Variants in FMN1 observed in about 807,000 individuals in gnomAD.
FMN1 encodes the protein formin 1.
Under a neutral mutation model 132.4 loss-of-function variants are expected in FMN1, and 110 were observed. That is an observed-to-expected ratio of 0.83 (90% CI 0.71 to 0.97). The LOEUF (loss-of-function observed/expected upper bound fraction) is 0.97, where lower values mean the gene tolerates loss of function less well. Ranked by LOEUF, FMN1 falls within the 50% of genes least tolerant of loss-of-function variation. The probability of loss-of-function intolerance (pLI) is 0.00; values close to 1 mark genes in which losing one functional copy is unlikely to be tolerated. For missense variants in FMN1, 1,792 were observed against 1,705.3 expected, an observed-to-expected ratio of 1.05 and a Z score of -0.90; for synonymous variants, 722 against 651.7, an observed-to-expected ratio of 1.11 and a Z score of -1.64.
chr15:33,135,943 G>A (rs955047852), intron 4 of FMN1, among the ~76,000 whole-genome samples: 7 of 152,152 alleles, frequency 4.6e-5, no homozygotes, highest in African/African-American at 1.7e-4. Flanking sequence ...AATTAGCTTT[G>A]CTTTTTTCTG....
intron 7 of FMN1, among the ~76,000 whole-genome samples, chr15:33,007,019 GTATACTT>G (rs2034453816): frequency 6.6e-6 from 1 of 152,066 alleles, no homozygotes; most frequent in South Asian, 2.1e-4. Context: ...CCATGTTATT[GTATACTT>G]TAAAATTTCT....
intron 19 of FMN1, among the ~76,000 whole-genome samples, chr15:32,788,134 G>A (rs2056941864): frequency 1.3e-5 from 2 of 152,164 alleles, no homozygotes; most frequent in South Asian, 4.1e-4. Flanking sequence ...TCTCCCCCAG[G>A]ACACAGGGGA....
At chr15:32,903,167 C>T (rs2141612039) in intron 12 of FMN1, among the ~76,000 whole-genome samples, 1 of 150,090 alleles carries the variant, frequency 6.7e-6, no homozygotes, top group Non-Finnish European at 1.5e-5. Flanking sequence ...TCATAATCCA[C>T]AATCTTTTTT....
At chr15:32,890,293 T>G (rs2059996339) in intron 15 of FMN1, among the ~76,000 whole-genome samples, 1 of 152,236 alleles carries the variant, frequency 6.6e-6, no homozygotes, top group Admixed American at 6.5e-5. Context: ...TACCCAGTAG[T>G]GGGATTGCTA....
chr15:33,019,787 C>G (rs938706975), intron 6 of FMN1, among the ~76,000 whole-genome samples: 1 of 152,202 alleles, frequency 6.6e-6, no homozygotes, highest in African/African-American at 2.4e-5. Flanking sequence ...CCCGCCAAGC[C>G]CATGCCCACT....
chr15:32,916,930 T>C (rs1339359102), intron 10 of FMN1, among the ~76,000 whole-genome samples: 2 of 152,100 alleles, frequency 1.3e-5, no homozygotes, highest in Non-Finnish European at 2.9e-5. Context: ...TTTTTGAAAC[T>C]CTCATGTCAC....
At position 33,153,509 on chromosome 15, in the gene FMN1, G is replaced by T. The variant is rs956680472; in HGVS notation, c.1406C>A (p.Ser469Tyr). The change falls in exon 4 of 21, where the codon TCC becomes TAC. Residue 469 changes from serine to tyrosine, a missense_variant. Ser to Tyr is a moderately radical substitution (Grantham distance 144). This residue lies in a region of FMN1 where 638 missense variants were observed against 645.2 expected (regional missense o/e 0.99). Coordinates refer to ENST00000616417, the MANE Select transcript of FMN1 (RefSeq NM_001277313.2). The part of the protein sequence containing the change: ...RAGLPLGGHK[S>Y]LFLDLPHKVG... ...TTTGTGGGGCAGATCCAGAAACAAGGACTTGTGGCCACCAAGGGGCAACCC... is the reference window on the plus strand; with the variant it reads ...TTTGTGGGGCAGATCCAGAAACAAGTACTTGTGGCCACCAAGGGGCAACCC... The T allele has an allele frequency of 1.6e-5, 25 of 1,536,332 alleles. No individual in the cohort carries two copies. In the African/African-American group the frequency reaches 2.1e-4, roughly 13 times the overall value.
chr15:32,835,625 G>A (rs1487513974), intron 17 of FMN1, among the ~76,000 whole-genome samples: 2 of 152,026 alleles, frequency 1.3e-5, no homozygotes, highest in Non-Finnish European at 2.9e-5. Flanking sequence ...ATGTTATGGG[G>A]TGATTCCAAG....
chr15:33,123,091 G>GA (rs1243506616), intron 4 of FMN1, among the ~76,000 whole-genome samples: 2 of 151,014 alleles, frequency 1.3e-5, no homozygotes, highest in East Asian at 3.9e-4. Context: ...CCAAATTGTA[G>GA]AATCATCTAG....
chr15:32,859,318 G>C (rs1200158705), intron 16 of FMN1, among the ~76,000 whole-genome samples: 1 of 152,092 alleles, frequency 6.6e-6, no homozygotes, highest in Non-Finnish European at 1.5e-5. Context: ...TCGGGGACTT[G>C]GATTATTTAA....
chr15:32,892,743 T>G (rs115513788), intron 15 of FMN1, among the ~76,000 whole-genome samples: 2,540 of 152,272 alleles, frequency 0.017, 64 homozygotes, highest in African/African-American at 0.059. Flanking sequence ...TTGCTGCTTG[T>G]TACTGGTCTG....
At chr15:33,005,804 C>G (rs1228652126) in intron 7 of FMN1, among the ~76,000 whole-genome samples, 2 of 152,188 alleles carry the variant, frequency 1.3e-5, no homozygotes, top group South Asian at 2.1e-4. Flanking sequence ...CTACCAATTT[C>G]AGTTCCTCTG....
At chr15:32,876,143 TCA>T (rs1490052756) in intron 16 of FMN1, among the ~76,000 whole-genome samples, 5 of 152,248 alleles carry the variant, frequency 3.3e-5, no homozygotes, top group African/African-American at 1.2e-4. Flanking sequence ...CATACTTGAT[TCA>T]GTCTTCCAGC....
intron 7 of FMN1, among the ~76,000 whole-genome samples, chr15:32,973,584 C>CA (rs1555508122): frequency 7.3e-5 from 11 of 151,096 alleles, no homozygotes; most frequent in African/African-American, 1.5e-4. Flanking sequence ...TCACCCCCCC[C>CA]AAAAAAACAC....
At chr15:32,944,367 G>C (rs951654234) in intron 9 of FMN1, among the ~76,000 whole-genome samples, 3 of 152,194 alleles carry the variant, frequency 2.0e-5, no homozygotes, top group African/African-American at 7.2e-5. Context: ...TGCTGCTAAT[G>C]GCCAGTATGG....
At chr15:32,980,632 C>T (rs928630341) in intron 7 of FMN1, among the ~76,000 whole-genome samples, 1 of 152,132 alleles carries the variant, frequency 6.6e-6, no homozygotes, top group African/African-American at 2.4e-5. Context: ...TTATTTCAGT[C>T]TTTGGAATAC....
At chr15:32,871,051 G>A (rs2059504058) in intron 16 of FMN1, among the ~76,000 whole-genome samples, 1 of 152,176 alleles carries the variant, frequency 6.6e-6, no homozygotes, top group South Asian at 2.1e-4. Context: ...TGGCATCGAG[G>A]TGGACTGTGT....
chr15:33,067,221 C>A, intron 5 of FMN1: 1 of 1,613,376 alleles, frequency 6.2e-7, no homozygotes, highest in South Asian at 1.1e-5. Flanking sequence ...TGAAGACCAC[C>A]GTTGCCAGCT....
intron 3 of FMN1, among the ~76,000 whole-genome samples, chr15:33,177,501 ATCTGTAAAAAGGCCT>A (rs1965554662): frequency 6.6e-6 from 1 of 152,166 alleles, no homozygotes; most frequent in Non-Finnish European, 1.5e-5. Context: ...CAGTGTCCTC[ATCTGTAAAAAGGCCT>A]TTTGTTCTCC....
Sources: gnomAD v4.1 joint callset for allele counts (sites outside exome capture counted in the v4.1 genomes callset) on GRCh38, gnomAD v4.1.1 for gene constraint, gnomAD v4.1.1 regional missense constraint, MANE v1.5 for transcripts, NCBI Gene and HGNC (gene_info 2026-07-23, HGNC 2026-07-21) for gene names.